The following ARHGAP29 variants were observed in gnomAD, a reference collection of about 807,000 sequenced individuals.
ARHGAP29 encodes the protein Rho GTPase activating protein 29, also known as rho GTPase-activating protein 29.
ARHGAP29 carries 43 observed loss-of-function variants against 122.6 expected under a neutral mutation model. That is an observed-to-expected ratio of 0.35 (90% CI 0.27 to 0.45). The LOEUF is 0.45. ARHGAP29 is among the 20% of genes least tolerant of loss of function. The pLI is 1.00. For missense variants in ARHGAP29, 1,303 were observed against 1,477.2 expected (o/e 0.88, Z 1.93); for synonymous variants, 506 against 497.1 (o/e 1.02, Z -0.24).
chr1:94,305,733 A>C, the ARHGAP29 span, among the ~76,000 whole-genome samples: 1 of 152,168 alleles, frequency 6.6e-6, no homozygotes, highest in Non-Finnish European at 1.5e-5. Context: ...GAGAGTGGGA[A>C]TAGAGGTGTC....
chr1:94,217,993 C>T (rs963955275), intron 3 of ARHGAP29, among the ~76,000 whole-genome samples: 1 of 152,182 alleles, frequency 6.6e-6, no homozygotes, highest in Non-Finnish European at 1.5e-5. Context: ...CTTAGACTGG[C>T]TGGCACTGAA....
chr1:94,287,649 C>A, the ARHGAP29 span, among the ~76,000 whole-genome samples: 4 of 152,004 alleles, frequency 2.6e-5, no homozygotes, highest in Admixed American at 2.6e-4. Flanking sequence ...GCTATCCCCC[C>A]CAGCTCCCCA....
intron 22 of ARHGAP29, 36 bp from the exon 23 acceptor site, chr1:94,174,785 C>T (rs1438142788): frequency 1.3e-6 from 2 of 1,593,766 alleles, no homozygotes; most frequent in African/African-American, 1.3e-5. Context: ...GTTTGTGGCA[C>T]ATGGTTAATA....
At chr1:94,272,497 C>T (rs1206840547) in intron 1 of ARHGAP29, among the ~76,000 whole-genome samples, 2 of 152,196 alleles carry the variant, frequency 1.3e-5, no homozygotes, top group African/African-American at 4.8e-5. Flanking sequence ...CCAGCTGCTG[C>T]ATCTTTGAAT....
intron 1 of ARHGAP29, among the ~76,000 whole-genome samples, chr1:94,255,991 G>C (rs1217014491): frequency 6.6e-6 from 1 of 152,116 alleles, no homozygotes; most frequent in African/African-American, 2.4e-5. Context: ...AGTACACAAA[G>C]CTCTGCTACA....
At chr1:94,282,379 G>C in the ARHGAP29 span, among the ~76,000 whole-genome samples, 8 of 151,740 alleles carry the variant, frequency 5.3e-5, no homozygotes, top group African/African-American at 1.9e-4. Context: ...TTGACCTCCT[G>C]GACTCAAGTG....
chr1:94,176,193 T>C (rs982530151), intron 22 of ARHGAP29, among the ~76,000 whole-genome samples: 4 of 152,336 alleles, frequency 2.6e-5, no homozygotes, highest in African/African-American at 9.6e-5. Context: ...CAGCCCTGCC[T>C]GCCACTTCTG....
intron 12 of ARHGAP29, among the ~76,000 whole-genome samples, chr1:94,197,573 A>G (rs773420067): frequency 2.6e-5 from 4 of 152,196 alleles, no homozygotes; most frequent in Non-Finnish European, 4.4e-5. Context: ...TTTTAGACAT[A>G]TCAATCTTTC....
At chr1:94,237,109 T>C (rs1653324761) in intron 1 of ARHGAP29, among the ~76,000 whole-genome samples, 1 of 152,238 alleles carries the variant, frequency 6.6e-6, no homozygotes, top group Non-Finnish European at 1.5e-5. Flanking sequence ...GGACCCGTTG[T>C]ACGCGCTGTG....
chr1:94,274,585 A>T (rs537611935), intron 1 of ARHGAP29, among the ~76,000 whole-genome samples: 1 of 152,360 alleles, frequency 6.6e-6, no homozygotes, highest in African/African-American at 2.4e-5. Flanking sequence ...GGGAAAAAAG[A>T]CAAGTAAATA....
At chr1:94,262,705 A>G (rs1264554260) in intron 1 of ARHGAP29, among the ~76,000 whole-genome samples, 1 of 152,212 alleles carries the variant, frequency 6.6e-6, no homozygotes, top group East Asian at 1.9e-4. Flanking sequence ...ATGAGATACC[A>G]TCTCACACCA....
chr1:94,181,221 G>C (rs1387180893), intron 19 of ARHGAP29, among the ~76,000 whole-genome samples: 1 of 152,174 alleles, frequency 6.6e-6, no homozygotes, highest in Admixed American at 6.5e-5. Context: ...ATCCTAAGGA[G>C]ACTCAGGGAC....
chr1:94,239,792 A>G (rs745704205), upstream of ARHGAP29, among the ~76,000 whole-genome samples: 6 of 152,178 alleles, frequency 3.9e-5, no homozygotes, highest in Non-Finnish European at 8.8e-5. Flanking sequence ...AAATACAAAC[A>G]TAAGAATCCA....
At chr1:94,213,675 G>A (rs1162833506) in intron 3 of ARHGAP29, among the ~76,000 whole-genome samples, 1 of 152,170 alleles carries the variant, frequency 6.6e-6, no homozygotes, top group African/African-American at 2.4e-5. Context: ...AAAGTGGATG[G>A]GTTCCGAAGT....
the ARHGAP29 span, among the ~76,000 whole-genome samples, chr1:94,313,408 C>G: frequency 2.6e-5 from 4 of 152,130 alleles, no homozygotes; most frequent in Non-Finnish European, 5.9e-5. Context: ...GATATTAACC[C>G]TATTATTGTT....
At position 94,173,954 on chromosome 1, in the gene ARHGAP29, T is replaced by C. The variant is rs761013727; in HGVS notation, c.3701A>G (p.Asp1234Gly). 5.6e-6 allele frequency: 9 copies of C among 1,614,238 alleles called. No homozygotes were observed. Among genetic ancestry groups the C allele is most frequent in the Non-Finnish European group, 7.6e-6 (9 of 1,180,036 alleles). Residue 1234 changes from aspartate (D) to glycine (G), a missense_variant, in exon 23 of 23, where the codon GAT (aspartate) becomes GGT (glycine). Coordinates refer to ENST00000260526, the MANE Select transcript of ARHGAP29 (RefSeq NM_004815.4). ...TGGTCTCTGACACATTGGATTCACA[T>C]CAGGCAAGCCAAGCTCCTCAGAGTC... ...KEDSEELGLP[D>G]VNPMCQRPRL... is the part of the protein sequence containing the mutation.
At chr1:94,284,479 G>C in the ARHGAP29 span, among the ~76,000 whole-genome samples, 7 of 152,120 alleles carry the variant, frequency 4.6e-5, no homozygotes, top group African/African-American at 1.4e-4. Flanking sequence ...GTGAATCCAG[G>C]CATGGTCATA....
chr1:94,251,468 G>C (rs1032187068), intron 1 of ARHGAP29, among the ~76,000 whole-genome samples: 1 of 152,122 alleles, frequency 6.6e-6, no homozygotes, highest in Non-Finnish European at 1.5e-5. Context: ...ATGAAAAGCT[G>C]AGACACAGAA....
the ARHGAP29 span, among the ~76,000 whole-genome samples, chr1:94,286,390 G>GAGCATGGT: frequency 1.3e-5 from 2 of 152,050 alleles, no homozygotes; most frequent in Non-Finnish European, 2.9e-5. Context: ...AATTTAGTCT[G>GAGCATGGT]AGCATGGTGG....
Sources: allele counts gnomAD v4.1 joint callset (sites outside exome capture counted in the v4.1 genomes callset), GRCh38; gene constraint gnomAD v4.1.1; transcripts MANE v1.5; gene names NCBI Gene and HGNC (gene_info 2026-07-23, HGNC 2026-07-21).